The following PHF21A variants were observed in gnomAD, a reference collection of about 807,000 sequenced individuals.
The protein encoded by PHF21A is PHD finger protein 21A, also known as BHC80a.
In PHF21A, 11 loss-of-function variants were observed where a neutral mutation model predicts 82.5. The observed-to-expected ratio is 0.13, with a 90% confidence interval of 0.08 to 0.22. PHF21A has a LOEUF of 0.22. Among genes scored for constraint, PHF21A ranks in the 10% least tolerant of loss-of-function variants. The pLI is 1.00. For synonymous variants in PHF21A, 297 were observed against 302.8 expected, an observed-to-expected ratio of 0.98 and a Z score of 0.20; for missense variants, 579 against 837.8, an observed-to-expected ratio of 0.69 and a Z score of 3.81.
chr11:45,955,219 G>A (rs1369343230), intron 10 of PHF21A, among the ~76,000 whole-genome samples: 1 of 152,116 alleles, frequency 6.6e-6, no homozygotes, highest in Non-Finnish European at 1.5e-5. Context: ...ATAGTAAAGA[G>A]TTGATTGGGC....
At chr11:46,051,870 G>GA in intron 6 of PHF21A, among the ~76,000 whole-genome samples, 1 of 152,284 alleles carries the variant, frequency 6.6e-6, no homozygotes, top group Middle Eastern at 3.4e-3. Flanking sequence ...CTTCTGTACA[G>GA]AAACCAGGAG....
chr11:46,057,940 G>GA (rs1209473616), intron 6 of PHF21A, among the ~76,000 whole-genome samples: 3 of 151,990 alleles, frequency 2.0e-5, no homozygotes, highest in Non-Finnish European at 4.4e-5. Flanking sequence ...CACAAATCAA[G>GA]AAAAAAAGTC....
chr11:46,087,730 T>C (rs928204862), intron 3 of PHF21A, among the ~76,000 whole-genome samples: 4 of 152,196 alleles, frequency 2.6e-5, no homozygotes, highest in African/African-American at 7.2e-5. Context: ...TTGCCCAGGC[T>C]GGTCACGAAT....
chr11:46,029,088 G>C (rs1160481887), intron 6 of PHF21A, among the ~76,000 whole-genome samples: 1 of 152,158 alleles, frequency 6.6e-6, no homozygotes, highest in Admixed American at 6.5e-5. Flanking sequence ...TTGCAAAAGA[G>C]TGTTATCTGT....
At chr11:45,956,298 TTC>T (rs1203676433) in intron 10 of PHF21A, among the ~76,000 whole-genome samples, 1 of 152,214 alleles carries the variant, frequency 6.6e-6, no homozygotes, top group Non-Finnish European at 1.5e-5. Flanking sequence ...TATTTTTAAC[TTC>T]TCTTTTTGTT....
intron 6 of PHF21A, among the ~76,000 whole-genome samples, chr11:46,074,458 C>T (rs1287028356): frequency 2.4e-5 from 3 of 127,044 alleles, no homozygotes; most frequent in Admixed American, 8.2e-5. Context: ...GCTCTTTTGG[C>T]GGGAGGGGGG....
At chr11:46,011,461 C>T (rs1463625204) in intron 6 of PHF21A, among the ~76,000 whole-genome samples, 1 of 151,814 alleles carries the variant, frequency 6.6e-6, no homozygotes, top group African/African-American at 2.4e-5. Flanking sequence ...CACTGCACTC[C>T]AGCCTGAGCG....
At chr11:45,957,935 T>C (rs933891203) in intron 10 of PHF21A, among the ~76,000 whole-genome samples, 2 of 151,776 alleles carry the variant, frequency 1.3e-5, no homozygotes. Context: ...AAAATGAAAC[T>C]GAGGACATTA....
Position 46,009,430 on chromosome 11 carries a change from T to A in PHF21A, c.154-29464A>T, listed in dbSNP as rs190473933. On this transcript the variant is annotated intron_variant, in intron 6 of 18. Coordinates refer to ENST00000676320, the MANE Select transcript of PHF21A (RefSeq NM_001352027.3). ...TCTTGACTCTACCTGCCTAGAATGATCTGTGAAACCCTATTATACCAAGTG... is the reference window on the plus strand; with the variant it reads ...TCTTGACTCTACCTGCCTAGAATGAACTGTGAAACCCTATTATACCAAGTG... Among the ~76,000 whole-genome samples, 47 of 152,358 alleles carry A rather than the reference T, an allele frequency of 3.1e-4. 2 individuals are homozygous for A. In the East Asian group the frequency reaches 5.6e-3, roughly 18 times the overall value.
intron 3 of PHF21A, among the ~76,000 whole-genome samples, chr11:46,084,870 C>G (rs1000362418): frequency 1.3e-5 from 2 of 152,018 alleles, no homozygotes; most frequent in Admixed American, 1.3e-4. Context: ...TTAATAGAGA[C>G]GGGGTTTCAC....
intron 1 of PHF21A, among the ~76,000 whole-genome samples, chr11:46,094,168 GAA>G (rs1359336466): frequency 6.6e-6 from 1 of 152,156 alleles, no homozygotes; most frequent in Non-Finnish European, 1.5e-5. Flanking sequence ...AAATGCTGCT[GAA>G]AAGTCATATT....
chr11:45,943,379 C>G (rs1281232974), intron 15 of PHF21A, among the ~76,000 whole-genome samples: 1 of 152,058 alleles, frequency 6.6e-6, no homozygotes, highest in Non-Finnish European at 1.5e-5. Flanking sequence ...GGGGTCTTGC[C>G]ATGTTGTCCA....
intron 7 of PHF21A, among the ~76,000 whole-genome samples, chr11:45,971,890 C>CTTTTTTTTTTTTTTTTTTTTTT (rs377734291): frequency 1.8e-3 from 89 of 50,184 alleles, no homozygotes; most frequent in East Asian, 3.3e-3. Flanking sequence ...CTTTTTCTTT[C>CTTTTTTTTTTTTTTTTTTTTTT]TTTTTTTTTT....
In PHF21A at chr11:45,949,312, C is replaced by T. The variant is rs533401721; in HGVS notation, c.1227+90G>A. The T allele has an allele frequency of 2.1e-5, 22 of 1,048,238 alleles. No homozygotes were observed. In the East Asian group the frequency reaches 5.0e-4, roughly 24 times the overall value. The allele number at this position is 1,048,238 out of a possible 1,614,324, so 64.9% of individuals were successfully genotyped here. ...CTGGCCAAGTACAATCAGGGTGCTG[C>T]TCTTCAGCAGGTTTTCAGAGGGGAG... On this transcript the variant is annotated intron_variant, in intron 13 of 18. Coordinates refer to ENST00000676320, the MANE Select transcript of PHF21A (RefSeq NM_001352027.3).
chr11:45,934,407 G>A lies in PHF21A; in HGVS notation c.1789-182C>T, dbSNP rs1020574413. On this transcript the variant is annotated intron_variant, in intron 18 of 18. Coordinates refer to ENST00000676320, the MANE Select transcript of PHF21A (RefSeq NM_001352027.3). Reference sequence around the variant, plus strand: ...GCGGCTACCACCTAAGGAACAGGGCGGGTGGAGTGGGTAGGCTGGGGGGTC... The same window carrying A: ...GCGGCTACCACCTAAGGAACAGGGCAGGTGGAGTGGGTAGGCTGGGGGGTC... 24 of 593,980 alleles carry A rather than the reference G, an allele frequency of 4.0e-5. 1 individual carries two copies. Among genetic ancestry groups the A allele is most frequent in the Non-Finnish European group, 6.1e-5 (21 of 341,906 alleles). 36.8% of individuals were successfully genotyped at this position (593,980 alleles called of 1,614,324 possible).
intron 6 of PHF21A, among the ~76,000 whole-genome samples, chr11:45,984,253 A>G (rs61882503): frequency 0.036 from 5,479 of 152,314 alleles, 159 homozygotes; most frequent in Non-Finnish European, 0.056. Flanking sequence ...TCTTCTTAAT[A>G]TATTTCTATA....
At chr11:46,018,236 C>T (rs1445628269) in intron 6 of PHF21A, among the ~76,000 whole-genome samples, 18 of 138,462 alleles carry the variant, frequency 1.3e-4, no homozygotes, top group South Asian at 2.3e-4. Flanking sequence ...GGCGACAGAG[C>T]GAGACTCCGT....
rs562015003 is a variant in PHF21A, at chr11:46,017,267, G to A, written c.154-37301C>T. The stretch of plus-strand genomic sequence containing the variant: ...ATTACAGGCGTGAGCCACCACGCCC[G>A]GCCTACATCTATTAATTTTTAACAG... On this transcript the variant is annotated intron_variant, in intron 6 of 18. Transcript: ENST00000676320. Among the ~76,000 whole-genome samples, 6 of 152,274 alleles carry A rather than the reference G, an allele frequency of 3.9e-5. No individual in the cohort carries two copies. The East Asian group carries it at 7.7e-4, about 20-fold the overall frequency.
At position 45,938,379 on chromosome 11, in the gene PHF21A, A is replaced by T; in HGVS notation, c.1453-67T>A. Reference sequence around the variant, plus strand: ...GTAAAATTTTAATGTTAACATGCACATTCTAGATGCATATAAATGTTTTAG... The same window carrying T: ...GTAAAATTTTAATGTTAACATGCACTTTCTAGATGCATATAAATGTTTTAG... On this transcript the variant is annotated intron_variant, in intron 15 of 18. Transcript: ENST00000676320. 6.4e-6 allele frequency: 8 copies of T among 1,251,736 alleles called. No individual in the cohort carries two copies. The South Asian group carries it at 1.1e-4, about 17-fold the overall frequency. 77.5% of individuals were successfully genotyped at this position (1,251,736 alleles called of 1,614,324 possible).
Sources: gnomAD v4.1 joint callset for allele counts (sites outside exome capture counted in the v4.1 genomes callset) on GRCh38, gnomAD v4.1.1 for gene constraint, MANE v1.5 for transcripts, NCBI Gene and HGNC (gene_info 2026-07-23, HGNC 2026-07-21) for gene names.